Variants in PTK7 observed in about 807,000 individuals in gnomAD.
PTK7 encodes the protein protein tyrosine kinase 7 (inactive).
In PTK7, 39 loss-of-function variants were observed where a neutral mutation model predicts 116.6. The ratio of observed to expected loss-of-function variants is 0.33; its 90% CI spans 0.26 to 0.44. The LOEUF (loss-of-function observed/expected upper bound fraction) is 0.44, where lower values mean the gene tolerates loss of function less well. Among genes scored for constraint, PTK7 ranks in the 20% least tolerant of loss-of-function variants. The probability of loss-of-function intolerance (pLI) is 1.00; values close to 1 mark genes in which losing one functional copy is unlikely to be tolerated. For missense variants in PTK7, 1,169 were observed against 1,425.6 expected (o/e 0.82, Z 2.90); for synonymous variants, 546 against 563.6 (o/e 0.97, Z 0.44).
chr6:43,145,505 T>C lies in PTK7; in HGVS notation c.2640+73T>C. On this transcript the variant is annotated intron_variant, in intron 16 of 19. Transcript: ENST00000230419. The surrounding 1 kb of genome is among the most constrained non-coding windows in gnomAD (Gnocchi z 4.8). ...GTCCTACAAAGGTGGGAGTCAGTGG[T>C]TGGAGCACCGTGAAAACCTTGTCTC... 1.6e-6 allele frequency: 2 copies of C among 1,283,750 alleles called. No homozygotes were observed. The highest frequency in any genetic ancestry group is 2.5e-5 in the Admixed American group (1 of 40,330). The allele number at this position is 1,283,750 out of a possible 1,614,324, so 79.5% of individuals were successfully genotyped here. A position where few individuals can be genotyped will look rare whatever the true frequency, so the allele number is the denominator to read the frequency against.
Position 43,129,151 on chromosome 6 carries a change from T to A in PTK7, c.254T>A (p.Leu85Gln). The A allele has an allele frequency of 6.2e-7, 1 of 1,614,068 alleles. No individual in the cohort carries two copies. The highest frequency in any genetic ancestry group is 8.5e-7 in the Non-Finnish European group (1 of 1,179,890). The change falls in exon 2 of 20, where the codon CTG becomes CAG. Residue 85 changes from leucine (L) to glutamine (Q), a missense_variant. Physicochemically the swap from Leu to Gln is moderately radical, Grantham distance 113. Transcript: ENST00000230419. This position sits in a 1 kb window ranked among gnomAD's most constrained non-coding sequence, Gnocchi z 4.5. ...TERRFAQGSS[L>Q]SFAAVDRLQD... ...CGGCGTTTCGCCCAGGGCAGCAGCC[T>A]GAGCTTTGCAGCTGTGGACCGGCTG...
intron 17 of PTK7, among the ~76,000 whole-genome samples, chr6:43,157,371 T>TATAAA (rs1561990682): frequency 7.0e-4 from 60 of 85,750 alleles, no homozygotes; most frequent in African/African-American, 3.1e-3. Context: ...TATATTTTTT[T>TATAAA]TTTTCTTTTT....
rs1320195173 is a variant in PTK7, at chr6:43,142,316, G to T, written c.2047+17G>T. 5 of 1,613,770 alleles carry T rather than the reference G, an allele frequency of 3.1e-6. No individual in the cohort carries two copies. The African/African-American group carries it at 5.3e-5, about 17-fold the overall frequency. On this transcript the variant is annotated intron_variant, in intron 13 of 19. Coordinates refer to ENST00000230419, the MANE Select transcript of PTK7 (RefSeq NM_002821.5). ...ATGTCGTGGGTATGGGCTGGGGAGG[G>T]TTATGCTGCACAGGAAGTGGTGGGC... is the stretch of plus-strand genomic sequence containing the variant.
At position 43,144,585 on chromosome 6, in the gene PTK7, C is replaced by T. The variant is rs1238932828; in HGVS notation, c.2386C>T (p.Leu796=). 1 of 1,613,008 alleles carries T rather than the reference C, an allele frequency of 6.2e-7. No homozygotes were observed. The highest frequency in any genetic ancestry group is 2.2e-5 in the East Asian group (1 of 44,878). The change falls in exon 15 of 20, where the codon CTG becomes TTG. Residue 796 remains leucine, a synonymous_variant. Coordinates refer to ENST00000230419, the MANE Select transcript of PTK7 (RefSeq NM_002821.5). ...SDKMHFPRSS[L]QPITTLGKSE... ...TAAGATGCACTTCCCACGGTCTAGC[C>T]TGCAGCCCATCACCACGCTGGGTAT...
chr6:43,085,946 A>C (rs1286317669), intron 1 of PTK7, among the ~76,000 whole-genome samples: 2 of 150,434 alleles, frequency 1.3e-5, no homozygotes, highest in Non-Finnish European at 2.9e-5. Context: ...AAAAAAAAAA[A>C]AAAAAAAACA....
intron 17 of PTK7, among the ~76,000 whole-genome samples, chr6:43,157,380 T>A (rs1273826373): frequency 4.9e-5 from 5 of 101,560 alleles, no homozygotes; most frequent in African/African-American, 1.9e-4. Flanking sequence ...TTTTTTCTTT[T>A]TTTTTTTTTT....
At chr6:43,083,653 C>A (rs375136284) in intron 1 of PTK7, among the ~76,000 whole-genome samples, 1 of 152,200 alleles carries the variant, frequency 6.6e-6, no homozygotes, top group Non-Finnish European at 1.5e-5. Context: ...CACACACAGG[C>A]GCCTTTCCCC....
chr6:43,109,678 T>C (rs1768081887), intron 1 of PTK7, among the ~76,000 whole-genome samples: 1 of 152,000 alleles, frequency 6.6e-6, no homozygotes, highest in Non-Finnish European at 1.5e-5. Flanking sequence ...ATTTCTTAGA[T>C]TACTAGTGCA....
At chr6:43,149,671 C>T (rs1770956543) in intron 17 of PTK7, among the ~76,000 whole-genome samples, 1 of 152,198 alleles carries the variant, frequency 6.6e-6, no homozygotes, top group Non-Finnish European at 1.5e-5. Flanking sequence ...AGTGACATAG[C>T]AAGACCTGCA....
intron 7 of PTK7, among the ~76,000 whole-genome samples, chr6:43,134,129 C>A (rs892527030): frequency 5.9e-5 from 9 of 152,122 alleles, no homozygotes; most frequent in Admixed American, 2.0e-4. Flanking sequence ...ACCTGCGCCT[C>A]CCAGGTTCAA....
At chr6:43,146,529 C>A in intron 16 of PTK7, 89 bp from the exon 17 acceptor site, 1 of 1,273,538 alleles carries the variant, frequency 7.9e-7, no homozygotes, top group Non-Finnish European at 1.1e-6. Context: ...CCTCCCCAGG[C>A]AGGAATTCTG....
intron 1 of PTK7, among the ~76,000 whole-genome samples, chr6:43,114,919 G>T (rs577395912): frequency 6.6e-6 from 1 of 152,112 alleles, no homozygotes; most frequent in South Asian, 2.1e-4. Flanking sequence ...GCACGTGCCT[G>T]TAATCCCAGC....
At chr6:43,107,665 AG>A (rs1767967760) in intron 1 of PTK7, among the ~76,000 whole-genome samples, 1 of 152,196 alleles carries the variant, frequency 6.6e-6, no homozygotes, top group Non-Finnish European at 1.5e-5. Context: ...GGCACATGGT[AG>A]GCTCTAAGTA....
In PTK7 at chr6:43,143,427, G is replaced by A; in HGVS notation, c.2058G>A (p.Val686=). 1 of 1,613,944 alleles carries A rather than the reference G, an allele frequency of 6.2e-7. No homozygotes were observed. The highest frequency in any genetic ancestry group is 8.5e-7 in the Non-Finnish European group (1 of 1,180,004). The part of the protein sequence containing the change: ...EAPLYVVDKP[V]PEESEGPGSP... ...CTGTGTGTCTCTCAGACAAGCCTGT[G>A]CCGGAGGAGTCGGAGGGCCCTGGCA... Residue 686 remains valine, a synonymous_variant, in exon 14 of 20, where the codon GTG becomes GTA. Transcript: ENST00000230419. The surrounding 1 kb of genome is among the most constrained non-coding windows in gnomAD (Gnocchi z 4.2).
At chr6:43,090,414 G>A (rs755511377) in intron 1 of PTK7, among the ~76,000 whole-genome samples, 5 of 152,206 alleles carry the variant, frequency 3.3e-5, no homozygotes, top group Non-Finnish European at 5.9e-5. Context: ...TTGCAAATTT[G>A]AAACAAATGC....
intron 15 of PTK7, chr6:43,144,854 T>TAAA: frequency 2.7e-5 from 9 of 336,358 alleles, no homozygotes; most frequent in South Asian, 2.1e-4. Flanking sequence ...ATTGACTCTT[T>TAAA]AAAAAAAAAA....
chr6:43,138,709 A>C, intron 7 of PTK7, 140 bp from the exon 8 acceptor site: 2 of 1,244,310 alleles, frequency 1.6e-6, no homozygotes, highest in Non-Finnish European at 2.2e-6. Flanking sequence ...GGTCTTCCGT[A>C]AAGGGAAACT....
In PTK7 at chr6:43,076,922, A is replaced by G; in HGVS notation, c.79+355A>G. The G allele has an allele frequency of 6.6e-7, 1 of 1,514,504 alleles. No individual in the cohort carries two copies. Among genetic ancestry groups the G allele is most frequent in the Non-Finnish European group, 8.8e-7 (1 of 1,131,790 alleles). 93.8% of individuals were successfully genotyped at this position (1,514,504 alleles called of 1,614,324 possible). ...TGTCGGGGGAGAAAAGACCATCCGC[A>G]CCCACCGTGGGGAGCGCGATGGAGA... On this transcript the variant is annotated intron_variant, in intron 1 of 19. Coordinates refer to ENST00000230419, the MANE Select transcript of PTK7 (RefSeq NM_002821.5). This position sits in a 1 kb window ranked among gnomAD's most constrained non-coding sequence, Gnocchi z 5.7.
chr6:43,144,786 C>A (rs1439737890), intron 15 of PTK7, 180 bp downstream of exon 15: 5 of 627,548 alleles, frequency 8.0e-6, no homozygotes, highest in African/African-American at 1.8e-5. Flanking sequence ...GCCCTTCGTG[C>A]AGATTTTGTC....
Sources: gnomAD v4.1 joint callset for allele counts (sites outside exome capture counted in the v4.1 genomes callset) on GRCh38, gnomAD v4.1.1 for gene constraint, Gnocchi (gnomAD v3.1) non-coding constraint, MANE v1.5 for transcripts, NCBI Gene and HGNC (gene_info 2026-07-23, HGNC 2026-07-21) for gene names.